The following PDE4A variants were observed in gnomAD, a reference collection of about 807,000 sequenced individuals.
PDE4A encodes the protein 3',5'-cyclic-AMP phosphodiesterase 4A.
Under a neutral mutation model 73.9 loss-of-function variants are expected in PDE4A, and 21 were observed. The ratio of observed to expected loss-of-function variants is 0.28; its 90% CI spans 0.20 to 0.41. The LOEUF (loss-of-function observed/expected upper bound fraction) is 0.41, where lower values mean the gene tolerates loss of function less well. Ranked by LOEUF, PDE4A falls within the 10% of genes least tolerant of loss-of-function variation. PDE4A has a pLI of 1.00. For synonymous variants in PDE4A, 463 were observed against 505.4 expected (o/e 0.92, Z 1.13); for missense variants, 958 against 1,211.4 (o/e 0.79, Z 3.10).
chr19:10,466,532 CT>C, intron 14 of PDE4A, among the ~76,000 whole-genome samples: 1 of 149,504 alleles, frequency 6.7e-6, no homozygotes, highest in African/African-American at 2.5e-5. Flanking sequence ...GAGTCTTGCT[CT>C]GTCACCCAGG....
At chr19:10,446,496 C>T in intron 2 of PDE4A, 87 bp downstream of exon 2, 1 of 1,486,196 alleles carries the variant, frequency 6.7e-7, no homozygotes, top group Non-Finnish European at 9.1e-7. Context: ...GGGGGGCACC[C>T]ACCCCTATCC....
intron 1 of PDE4A, among the ~76,000 whole-genome samples, chr19:10,444,970 G>A (rs372801928): frequency 1.3e-5 from 2 of 152,106 alleles, no homozygotes; most frequent in African/African-American, 2.4e-5. Context: ...ACCTCACCCC[G>A]GCCTGTGTCT....
At chr19:10,448,539 G>A (rs1177044190) in intron 2 of PDE4A, among the ~76,000 whole-genome samples, 1 of 151,266 alleles carries the variant, frequency 6.6e-6, no homozygotes, top group Admixed American at 6.6e-5. Flanking sequence ...GGGAGGCTGA[G>A]ACAGGAGAAT....
At chr19:10,431,064 C>A in intron 1 of PDE4A, 8 of 1,570,842 alleles carry the variant, frequency 5.1e-6, no homozygotes, top group Non-Finnish European at 6.9e-6. Flanking sequence ...GGATTTGGGC[C>A]GCCAGGCTTG....
upstream of PDE4A, chr19:10,418,758 C>T: frequency 1.0e-6 from 1 of 985,332 alleles, no homozygotes; most frequent in South Asian, 4.7e-5. Context: ...ACATTACGCA[C>T]TCCCACCCGC....
At chr19:10,423,628 G>T (rs777320119) in intron 1 of PDE4A, among the ~76,000 whole-genome samples, 7 of 152,170 alleles carry the variant, frequency 4.6e-5, no homozygotes, top group Non-Finnish European at 1.0e-4. Flanking sequence ...CTGCCATGTG[G>T]GGGTCACTTT....
intron 6 of PDE4A, chr19:10,452,976 A>G (rs1338976562): frequency 5.7e-6 from 7 of 1,233,870 alleles, no homozygotes; most frequent in Non-Finnish European, 7.1e-6. Flanking sequence ...TCCTCCTGGG[A>G]CCCTTGCCCT....
rs1204161762 is a variant in PDE4A at position 10,468,594 on chromosome 19, AG to A, written c.*976del. 6.7e-6 allele frequency: 1 copy of A among 149,822 alleles called. No individual in the cohort carries two copies. Among genetic ancestry groups the A allele is most frequent in the Non-Finnish European group, 1.5e-5 (1 of 67,770 alleles). 9.3% of individuals were successfully genotyped at this position (149,822 alleles called of 1,614,324 possible). A position where few individuals can be genotyped will look rare whatever the true frequency, so the allele number is the denominator to read the frequency against. Reference sequence around the variant, plus strand: ...TGGCCGCCTGCACCTTGGATGAGGCAGGGCCAGGCGCCCAGAACCCCCATCC... The same window carrying A: ...TGGCCGCCTGCACCTTGGATGAGGCAGGCCAGGCGCCCAGAACCCCCATCC... On this transcript the variant is annotated 3_prime_UTR_variant, in exon 15 of 15. Coordinates refer to ENST00000380702, the MANE Select transcript of PDE4A (RefSeq NM_001111307.2).
chr19:10,441,759 G>A (rs1007954823), intron 1 of PDE4A, among the ~76,000 whole-genome samples: 18 of 138,416 alleles, frequency 1.3e-4, no homozygotes, highest in Admixed American at 7.0e-4. Context: ...GTGTGATCTC[G>A]GCTCACTGCA....
chr19:10,449,210 C>T (rs769475896), intron 4 of PDE4A, 60 bp downstream of exon 4: 100 of 1,555,320 alleles, frequency 6.4e-5, no homozygotes, highest in Non-Finnish European at 8.5e-5. Flanking sequence ...GCGGGTTCTG[C>T]TCTCAGCCCT....
chr19:10,465,115 T>C (rs2043342670), intron 14 of PDE4A, among the ~76,000 whole-genome samples: 1 of 152,114 alleles, frequency 6.6e-6, no homozygotes, highest in South Asian at 2.1e-4. Context: ...ACTGTTGACA[T>C]TTGGGTGATC....
chr19:10,442,760 A>G (rs949795782), intron 1 of PDE4A, among the ~76,000 whole-genome samples: 2 of 149,070 alleles, frequency 1.3e-5, no homozygotes, highest in African/African-American at 4.9e-5. Flanking sequence ...ATTATTACAT[A>G]TTACCATATT....
chr19:10,448,503 G>A (rs184796914), intron 2 of PDE4A, among the ~76,000 whole-genome samples: 1 of 151,554 alleles, frequency 6.6e-6, no homozygotes, highest in Non-Finnish European at 1.5e-5. Flanking sequence ...GGGGCGAGAG[G>A]CACATGCCTG....
chr19:10,454,623 TC>T (rs1599442781), intron 6 of PDE4A: 2 of 326,112 alleles, frequency 6.1e-6, no homozygotes, highest in Non-Finnish European at 8.8e-6. Context: ...TGACCATGAC[TC>T]CCCAAACCTG....
chr19:10,461,364 GC>G, intron 11 of PDE4A, 161 bp from the exon 12 acceptor site: 1 of 971,426 alleles, frequency 1.0e-6, no homozygotes. Flanking sequence ...GGCGGGGCTG[GC>G]TGGGCTGGAA....
At chr19:10,433,391 A>C (rs1191713103) in intron 1 of PDE4A, among the ~76,000 whole-genome samples, 1 of 152,092 alleles carries the variant, frequency 6.6e-6, no homozygotes, top group East Asian at 1.9e-4. Flanking sequence ...ACAAAAATAC[A>C]CACCCAGGGC....
At chr19:10,432,187 G>A (rs370892954) in intron 1 of PDE4A, among the ~76,000 whole-genome samples, 3 of 141,822 alleles carry the variant, frequency 2.1e-5, no homozygotes, top group East Asian at 4.5e-4. Flanking sequence ...GGGGGGGGGG[G>A]GGGGAAGTGT....
In PDE4A at chr19:10,458,058, C is replaced by T; in HGVS notation, c.1057C>T (p.Pro353Ser). The T allele has an allele frequency of 1.2e-6, 2 of 1,613,752 alleles. No homozygotes were observed. Among genetic ancestry groups the T allele is most frequent in the Admixed American group, 1.7e-5 (1 of 60,026 alleles). The change falls in exon 8 of 15, where the codon CCC becomes TCC. Residue 353 changes from proline (P) to serine (S), a missense_variant. Around this residue, in one of 3 missense-constraint regions of PDE4A, gnomAD observed 570 missense variants for 827.7 expected, o/e 0.69. Transcript: ENST00000380702. The surrounding 1 kb of genome is among the most constrained non-coding windows in gnomAD (Gnocchi z 4.6). ...TAACAGCCTGAACAACTCTAACATT[C>T]CCCGATTTGGGGTGAAGACCGATCA... Reference protein sequence around the residue: ...HSNSLNNSNIPRFGVKTDQEE... With the variant: ...HSNSLNNSNISRFGVKTDQEE...
In PDE4A at chr19:10,469,186, T is replaced by G. The variant is rs1599469678; in HGVS notation, c.*1565T>G. 6.6e-6 allele frequency: 1 copy of G among 152,476 alleles called. No homozygotes were observed. The highest frequency in any genetic ancestry group is 1.9e-4 in the East Asian group (1 of 5,320). The allele number at this position is 152,476 out of a possible 1,614,324, so 9.4% of individuals were successfully genotyped here. A position where few individuals can be genotyped will look rare whatever the true frequency, so the allele number is the denominator to read the frequency against. On this transcript the variant is annotated 3_prime_UTR_variant, in exon 15 of 15. Coordinates refer to ENST00000380702, the MANE Select transcript of PDE4A (RefSeq NM_001111307.2). ...ATTCTTTACCTTTTTTTCTTTTCTT[T>G]CTTTCTTTTTTGTACATACTGTAAG...
Sources: gnomAD v4.1 joint callset for allele counts (sites outside exome capture counted in the v4.1 genomes callset) on GRCh38, gnomAD v4.1.1 for gene constraint, gnomAD v4.1.1 regional missense constraint, Gnocchi (gnomAD v3.1) non-coding constraint, MANE v1.5 for transcripts, NCBI Gene and HGNC (gene_info 2026-07-23, HGNC 2026-07-21) for gene names.